Variants in HIGD1A observed in about 807,000 individuals in gnomAD.
The protein encoded by HIGD1A is HIG1 domain family member 1A, mitochondrial.
A neutral mutation model predicts 11.3 loss-of-function variants in HIGD1A; 8 were observed. That is an observed-to-expected ratio of 0.71 (90% CI 0.42 to 1.28). HIGD1A has a LOEUF of 1.28. Ranked by LOEUF, HIGD1A falls within the 50% of genes most tolerant of loss-of-function variation. HIGD1A has a pLI of 0.01. For synonymous variants in HIGD1A, 32 were observed against 38.4 expected (o/e 0.83, Z 0.62); for missense variants, 107 against 118.8 (o/e 0.90, Z 0.46).
At chr3:42,800,782 C>T (rs1700547245) in intron 1 of HIGD1A, among the ~76,000 whole-genome samples, 1 of 151,984 alleles carries the variant, frequency 6.6e-6, no homozygotes, top group African/African-American at 2.4e-5. Context: ...AGGAAGCCCG[C>T]CCTGTTGACA....
intron 3 of HIGD1A, 102 bp from the exon 4 acceptor site, chr3:42,785,422 T>G: frequency 1.1e-6 from 1 of 876,920 alleles, no homozygotes; most frequent in Non-Finnish European, 1.9e-6. Flanking sequence ...ACTGCTAGCA[T>G]GGAATATTTA....
Position 42,786,054 on chromosome 3 carries a change from C to T in HIGD1A, c.206G>A (p.Gly69Asp), listed in dbSNP as rs1231833474. ...HLIHMRVAAQ[G>D]FVVGAMTVGM... ...AACAGTCATTGCTCCTACAACAAAG[C>T]CTTGGGCTGCCACACGCATGTGGAT... The change falls in exon 3 of 4, where the codon GGC becomes GAC. Residue 69 changes from glycine to aspartate, a missense_variant. Coordinates refer to ENST00000321331, the MANE Select transcript of HIGD1A (RefSeq NM_014056.4). The T allele has an allele frequency of 1.2e-6, 2 of 1,612,726 alleles. No homozygotes were observed. Among genetic ancestry groups the T allele is most frequent in the African/African-American group, 2.7e-5 (2 of 74,884 alleles).
intron 2 of HIGD1A, among the ~76,000 whole-genome samples, chr3:42,790,406 G>A (rs1246584533): frequency 2.0e-5 from 3 of 152,132 alleles, no homozygotes; most frequent in Non-Finnish European, 4.4e-5. Context: ...GGTGGCAGGC[G>A]CCTGTAATAC....
chr3:42,790,662 CA>C (rs1700412740), intron 2 of HIGD1A, among the ~76,000 whole-genome samples: 1 of 152,162 alleles, frequency 6.6e-6, no homozygotes, highest in Non-Finnish European at 1.5e-5. Flanking sequence ...TTTAAGGACA[CA>C]AAAGGTTTGA....
chr3:42,804,111 C>T, intron 1 of HIGD1A: 2 of 1,554,726 alleles, frequency 1.3e-6, no homozygotes, highest in Non-Finnish European at 8.8e-7. Flanking sequence ...AGTCAACACC[C>T]TCCTGGCCCC....
chr3:42,803,673 A>AG (rs1391259960), intron 1 of HIGD1A, among the ~76,000 whole-genome samples: 15 of 152,348 alleles, frequency 9.8e-5, no homozygotes, highest in Admixed American at 3.3e-4. Context: ...TACTCCGAAG[A>AG]GGGAAATAGC....
chr3:42,789,893 A>T (rs1447656419), intron 2 of HIGD1A, among the ~76,000 whole-genome samples: 1 of 151,744 alleles, frequency 6.6e-6, no homozygotes, highest in African/African-American at 2.4e-5. Flanking sequence ...GCTAATTTTT[A>T]AATTTTTTTT....
At chr3:42,787,218 A>C (rs145286185) in intron 2 of HIGD1A, among the ~76,000 whole-genome samples, 1,556 of 152,226 alleles carry the variant, frequency 0.01, 24 homozygotes, top group African/African-American at 0.036. Context: ...GATGAAAAAA[A>C]CACATCCTAG....
chr3:42,796,038 T>C (rs1575362665), intron 1 of HIGD1A, among the ~76,000 whole-genome samples: 1 of 152,254 alleles, frequency 6.6e-6, no homozygotes, highest in Admixed American at 6.5e-5. Context: ...TCTGGGTTTT[T>C]CATGTGCATT....
intron 2 of HIGD1A, among the ~76,000 whole-genome samples, chr3:42,790,993 AG>A (rs1700415782): frequency 6.6e-6 from 1 of 152,214 alleles, no homozygotes; most frequent in African/African-American, 2.4e-5. Context: ...CTTTTTAAGA[AG>A]GTAGAATAGT....
chr3:42,791,777 GTCTT>G (rs939647096), intron 2 of HIGD1A, among the ~76,000 whole-genome samples: 1 of 103,980 alleles, frequency 9.6e-6, no homozygotes, highest in Non-Finnish European at 2.3e-5. Context: ...CTTTTGAAAT[GTCTT>G]TCTGCGTATT....
rs538553545 is a variant in HIGD1A, at chr3:42,784,690, T to C, written c.*581A>G. ...AGAATCCTTAAATTATTCTCATGTT[T>C]ACAGTTGTGATTCTTTAATAAATAC... On this transcript the variant is annotated 3_prime_UTR_variant, in exon 4 of 4. Transcript: ENST00000321331. The C allele has an allele frequency of 7.9e-5, 12 of 152,826 alleles. No individual in the cohort carries two copies. Among genetic ancestry groups the C allele is most frequent in the African/African-American group, 2.4e-4 (10 of 41,582 alleles). The allele number at this position is 152,826 out of a possible 1,614,324, so 9.5% of individuals were successfully genotyped here.
chr3:42,785,374 AATAAAAACCAGTTC>A (rs1241535879), intron 3 of HIGD1A, 54 bp from the exon 4 acceptor site: 9 of 1,443,082 alleles, frequency 6.2e-6, no homozygotes, highest in Non-Finnish European at 8.7e-6. Flanking sequence ...AATATTCAAA[AATAAAAACCAGTTC>A]ATAAAATAGC....
chr3:42,791,654 T>C (rs981652856), intron 2 of HIGD1A, among the ~76,000 whole-genome samples: 2 of 152,220 alleles, frequency 1.3e-5, no homozygotes, highest in Non-Finnish European at 2.9e-5. Context: ...ACAACTCCTA[T>C]GTCGTCAATA....
chr3:42,804,156 C>A (rs766892941), intron 1 of HIGD1A: 1 of 1,609,696 alleles, frequency 6.2e-7, no homozygotes, highest in Non-Finnish European at 8.5e-7. Flanking sequence ...CGAGTCTTCC[C>A]CGCTCGGCAA....
chr3:42,785,902 C>T, intron 3 of HIGD1A, 126 bp downstream of exon 3: 1 of 818,052 alleles, frequency 1.2e-6, no homozygotes, highest in South Asian at 1.6e-5. Flanking sequence ...TCATTTTTTA[C>T]ATGAAAATGA....
intron 2 of HIGD1A, among the ~76,000 whole-genome samples, chr3:42,788,648 G>A (rs541863815): frequency 6.6e-6 from 1 of 152,240 alleles, no homozygotes; most frequent in South Asian, 2.1e-4. Context: ...TTGGGAGGCC[G>A]AGGCAGGTGA....
chr3:42,803,266 A>G (rs1013422158), intron 1 of HIGD1A, among the ~76,000 whole-genome samples: 1 of 152,224 alleles, frequency 6.6e-6, no homozygotes, highest in Non-Finnish European at 1.5e-5. Context: ...TTAAGGGAAG[A>G]TGAGCCGTCC....
intron 1 of HIGD1A, among the ~76,000 whole-genome samples, chr3:42,801,986 A>C (rs1290748862): frequency 6.6e-6 from 1 of 152,196 alleles, no homozygotes; most frequent in Non-Finnish European, 1.5e-5. Context: ...GCCATGATCC[A>C]GCCACTGCAC....
Sources: gnomAD v4.1 joint callset for allele counts (sites outside exome capture counted in the v4.1 genomes callset) on GRCh38, gnomAD v4.1.1 for gene constraint, MANE v1.5 for transcripts, NCBI Gene and HGNC (gene_info 2026-07-23, HGNC 2026-07-21) for gene names.